ZNF155: variants seen among roughly 807,000 people sequenced by gnomAD.
ZNF155 encodes KRAB A domain.
ZNF155 carries 15 observed loss-of-function variants against 11.9 expected under a neutral mutation model. The ratio of observed to expected loss-of-function variants is 1.26; its 90% CI spans 0.84 to 1.94. The LOEUF (loss-of-function observed/expected upper bound fraction) is 1.94. ZNF155 is among the 30% of genes most tolerant of loss of function. The pLI, the probability that ZNF155 is intolerant of heterozygous loss-of-function variation, is 0.00. For synonymous variants in ZNF155, 212 were observed against 219.9 expected, an observed-to-expected ratio of 0.96 and a Z score of 0.32; for missense variants, 602 against 639.1, an observed-to-expected ratio of 0.94 and a Z score of 0.63.
chr19:43,992,931 C>A (rs990745710), intron 4 of ZNF155, among the ~76,000 whole-genome samples: 5 of 152,204 alleles, frequency 3.3e-5, no homozygotes, highest in Admixed American at 6.5e-5. Flanking sequence ...TTTTTATGAC[C>A]ACACTGAGTA....
intron 2 of ZNF155, 127 bp downstream of exon 2, chr19:43,988,685 C>A: frequency 3.1e-6 from 3 of 959,356 alleles, no homozygotes; most frequent in East Asian, 2.8e-5. Flanking sequence ...GTGCCAGGTG[C>A]TTCCTTTATC....
At chr19:43,993,702 C>T (rs911258499) in intron 4 of ZNF155, among the ~76,000 whole-genome samples, 1 of 152,166 alleles carries the variant, frequency 6.6e-6, no homozygotes, top group African/African-American at 2.4e-5. Context: ...ATGTGAGCCA[C>T]CATGCCCAGC....
chr19:43,996,098 A>G lies in ZNF155; in HGVS notation c.241A>G (p.Lys81Glu). 1 of 1,599,238 alleles carries G rather than the reference A, an allele frequency of 6.3e-7. No homozygotes were observed. The highest frequency in any genetic ancestry group is 8.5e-7 in the Non-Finnish European group (1 of 1,172,264). Reference protein sequence around the residue: ...ATQREGNSGGKIQTELESVPE... With the variant: ...ATQREGNSGGEIQTELESVPE... ...TTAAATCTGTGTCTTTATAGGAGGCAAGATCCAAACTGAGTTGGAGTCTGT... is the reference window on the plus strand; with the variant it reads ...TTAAATCTGTGTCTTTATAGGAGGCGAGATCCAAACTGAGTTGGAGTCTGT... The change falls in exon 5 of 5, where the codon AAG becomes GAG. Residue 81 changes from lysine to glutamate, a missense_variant. Transcript: ENST00000270014.
Position 43,991,601 on chromosome 19 carries a change from G to C in ZNF155, c.69G>C (p.Gly23=). ...TGGTCTTCACTGAGGAGGAGCTGGG[G>C]CTGCTGGACCCTGCCCAGAGGAAGC... ...VAVVFTEEEL[G]LLDPAQRKLY... Residue 23 remains glycine (G), a synonymous_variant, in exon 3 of 5, where the codon GGG becomes GGC. Coordinates refer to ENST00000270014, the MANE Select transcript of ZNF155 (RefSeq NM_198089.3). The C allele has an allele frequency of 6.2e-7, 1 of 1,614,152 alleles. No individual in the cohort carries two copies. Among genetic ancestry groups the C allele is most frequent in the Non-Finnish European group, 8.5e-7 (1 of 1,180,026 alleles).
At chr19:43,985,538 T>C (rs1005839876) in intron 1 of ZNF155, among the ~76,000 whole-genome samples, 30 of 108,398 alleles carry the variant, frequency 2.8e-4, no homozygotes, top group African/African-American at 7.6e-4. Flanking sequence ...TTTTTCTTTT[T>C]TTTTTTTTTT....
chr19:43,990,027 A>C, intron 2 of ZNF155: 1 of 1,483,146 alleles, frequency 6.7e-7, no homozygotes, highest in African/African-American at 1.4e-5. Context: ...AAATCAGATT[A>C]CCAAGACTGT....
At position 43,997,341 on chromosome 19, in the gene ZNF155, A is replaced by G. The variant is rs1360628107; in HGVS notation, c.1484A>G (p.His495Arg). ...GAGGACTGTGGAAAGAGGCTTGTAC[A>G]CAGGACATACCGTAAAGACCAGCCG... Reference protein sequence around the residue: ...KCEDCGKRLVHRTYRKDQPRD... With the variant: ...KCEDCGKRLVRRTYRKDQPRD... The change falls in exon 5 of 5, where the codon CAC becomes CGC. Residue 495 changes from histidine to arginine, a missense_variant. By Grantham distance (29) the His-to-Arg change is conservative. Transcript: ENST00000270014. 6.2e-7 allele frequency: 1 copy of G among 1,613,756 alleles called. No homozygotes were observed. The highest frequency in any genetic ancestry group is 2.2e-5 in the East Asian group (1 of 44,884).
At chr19:43,985,533 C>CTTTTTTTTT (rs752604890) in intron 1 of ZNF155, among the ~76,000 whole-genome samples, 3 of 97,864 alleles carry the variant, frequency 3.1e-5, no homozygotes, top group African/African-American at 7.1e-5. Flanking sequence ...TGCTCTTTTT[C>CTTTTTTTTT]TTTTTTTTTT....
intron 1 of ZNF155, among the ~76,000 whole-genome samples, chr19:43,986,615 A>G (rs758478325): frequency 1.1e-4 from 16 of 151,844 alleles, no homozygotes; most frequent in Non-Finnish European, 2.2e-4. Context: ...ATGCCCGGCT[A>G]TTTTTTTGTA....
chr19:43,987,676 T>C (rs909425553), intron 1 of ZNF155, among the ~76,000 whole-genome samples: 1 of 152,204 alleles, frequency 6.6e-6, no homozygotes, highest in African/African-American at 2.4e-5. Flanking sequence ...TCAAGTTTCT[T>C]CTGGGGAGAT....
intron 1 of ZNF155, among the ~76,000 whole-genome samples, chr19:43,988,245 G>C (rs1415795323): frequency 6.6e-6 from 1 of 152,170 alleles, no homozygotes; most frequent in East Asian, 1.9e-4. Context: ...TGGGTTTTGT[G>C]ATTGGCTTCT....
intron 4 of ZNF155, among the ~76,000 whole-genome samples, chr19:43,993,834 T>C (rs1975745378): frequency 6.6e-6 from 1 of 152,156 alleles, no homozygotes; most frequent in East Asian, 1.9e-4. Flanking sequence ...TAACTTTCCA[T>C]TGGAAGAATT....
chr19:43,989,794 T>C (rs1975589922), intron 2 of ZNF155, among the ~76,000 whole-genome samples: 5 of 152,090 alleles, frequency 3.3e-5, no homozygotes. Flanking sequence ...CCAGAAGAAA[T>C]AATGACCTGG....
Position 43,988,729 on chromosome 19 carries a change from T to G in ZNF155, c.15+171T>G, listed in dbSNP as rs1325716934. 5.3e-6 allele frequency: 3 copies of G among 565,300 alleles called. No individual in the cohort carries two copies. In the African/African-American group the frequency reaches 5.7e-5, roughly 11 times the overall value. The allele number at this position is 565,300 out of a possible 1,614,324, so 35.0% of individuals were successfully genotyped here. A position where few individuals can be genotyped will look rare whatever the true frequency, so the allele number is the denominator to read the frequency against. On this transcript the variant is annotated intron_variant, in intron 2 of 4. Coordinates refer to ENST00000270014, the MANE Select transcript of ZNF155 (RefSeq NM_198089.3). The stretch of plus-strand genomic sequence containing the variant: ...GTTGACTGCATTTGGTTTTTGGTTT[T>G]GCTTTGTTTTGTTTTGTTACCATTA...
intron 1 of ZNF155, among the ~76,000 whole-genome samples, 195 bp from the exon 2 acceptor site, chr19:43,988,264 G>A (rs1209517397): frequency 6.6e-6 from 1 of 152,096 alleles, no homozygotes; most frequent in African/African-American, 2.4e-5. Context: ...CTTTCATTTA[G>A]CATGATGTTT....
chr19:43,993,380 C>T (rs936734192), intron 4 of ZNF155, among the ~76,000 whole-genome samples: 4 of 152,080 alleles, frequency 2.6e-5, no homozygotes, highest in Non-Finnish European at 5.9e-5. Flanking sequence ...CTAGAAACAT[C>T]CTGAAGATTC....
chr19:43,990,048 A>T, intron 2 of ZNF155: 1 of 1,512,310 alleles, frequency 6.6e-7, no homozygotes, highest in Non-Finnish European at 8.8e-7. Context: ...GGGAATACTT[A>T]TAACCTGCTC....
Position 43,997,031 on chromosome 19 carries a change from C to G in ZNF155, c.1174C>G (p.Arg392Gly), listed in dbSNP as rs374103288. ...RWSSCLLNHQ[R>G]VHSGEKSFKC... ...GTCCTCATGCCTTTTGAACCATCAG[C>G]GAGTCCACAGTGGAGAAAAAAGCTT... Residue 392 changes from arginine (R) to glycine (G), a missense_variant, in exon 5 of 5, where the codon CGA becomes GGA. By Grantham distance (125) the Arg-to-Gly change is moderately radical (BLOSUM62 -2). Transcript: ENST00000270014. The G allele has an allele frequency of 6.2e-7, 1 of 1,613,832 alleles. No individual in the cohort carries two copies. Among genetic ancestry groups the G allele is most frequent in the Admixed American group, 1.7e-5 (1 of 59,994 alleles).
At chr19:43,991,498 C>T in intron 2 of ZNF155, 50 bp from the exon 3 acceptor site, 1 of 1,613,284 alleles carries the variant, frequency 6.2e-7, no homozygotes, top group Non-Finnish European at 8.5e-7. Context: ...CGCTTCTCCC[C>T]CAGTAGTCCT....
Sources: gnomAD v4.1 joint callset for allele counts (sites outside exome capture counted in the v4.1 genomes callset) on GRCh38, gnomAD v4.1.1 for gene constraint, MANE v1.5 for transcripts, NCBI Gene and HGNC (gene_info 2026-07-23, HGNC 2026-07-21) for gene names.